The following WDR35 variants were observed in gnomAD, a reference collection of about 807,000 sequenced individuals.
WDR35 encodes WD repeat-containing protein 35.
In WDR35, 118 loss-of-function variants were observed where a neutral mutation model predicts 158.3. That is an observed-to-expected ratio of 0.75 (90% CI 0.64 to 0.87). WDR35 has a LOEUF of 0.87. WDR35 is among the 40% of genes least tolerant of loss of function. WDR35 has a pLI of 0.00. For synonymous variants in WDR35, 448 were observed against 476.1 expected (o/e 0.94, Z 0.77); for missense variants, 1,263 against 1,405.8 (o/e 0.90, Z 1.62).
At position 19,934,124 on chromosome 2, in the gene WDR35, T is replaced by C. The variant is rs868456239; in HGVS notation, c.2548-613A>G. ...TGCACTGGCCATTTTCAGAACATCATTTTTTTTCTTTCAGAATATCTAATT... is the reference window on the plus strand; with the variant it reads ...TGCACTGGCCATTTTCAGAACATCACTTTTTTTCTTTCAGAATATCTAATT... On this transcript the variant is annotated intron_variant, in intron 21 of 26. Coordinates refer to ENST00000281405, the MANE Select transcript of WDR35 (RefSeq NM_020779.4). The surrounding 1 kb of genome is among the most constrained non-coding windows in gnomAD (Gnocchi z 4.6). 9.7e-5 allele frequency among the ~76,000 whole-genome samples: 14 copies of C among 144,218 alleles called. No individual in the cohort carries two copies. Among genetic ancestry groups the C allele is most frequent in the Non-Finnish European group, 4.5e-5 (3 of 66,374 alleles). The allele number at this position is 144,218 out of a possible 152,430, so 94.6% of individuals were successfully genotyped here. A position where few individuals can be genotyped will look rare whatever the true frequency, so the allele number is the denominator to read the frequency against.
At chr2:19,978,933 A>C in intron 4 of WDR35, 54 bp from the exon 5 acceptor site, 1 of 1,606,216 alleles carries the variant, frequency 6.2e-7, no homozygotes, top group Non-Finnish European at 8.5e-7. Context: ...TCTATTAAAT[A>C]GTAGTTAAGA....
rs542447585 is a variant in WDR35, at chr2:19,927,836, A to C, written c.3121+2560T>G. 2.0e-5 allele frequency among the ~76,000 whole-genome samples: 3 copies of C among 152,354 alleles called. No individual in the cohort carries two copies. The East Asian group carries it at 5.8e-4, about 29-fold the overall frequency. On this transcript the variant is annotated intron_variant, in intron 25 of 26. Coordinates refer to ENST00000281405, the MANE Select transcript of WDR35 (RefSeq NM_020779.4). ...CTAGTAATCCATTAAAATGGATAAA[A>C]ACACTTGGAAGCCCTGTAATTTCAA... is the stretch of plus-strand genomic sequence containing the variant.
chr2:19,987,035 T>G (rs1338848840), intron 2 of WDR35, among the ~76,000 whole-genome samples: 1 of 152,196 alleles, frequency 6.6e-6, no homozygotes, highest in Admixed American at 6.5e-5. Flanking sequence ...GTTAAGCAAA[T>G]TATGATATAT....
intron 10 of WDR35, chr2:19,962,302 C>G: frequency 6.2e-7 from 1 of 1,613,094 alleles, no homozygotes; most frequent in Non-Finnish European, 8.5e-7. Flanking sequence ...TACCGTTGCA[C>G]CAAATGTCTC....
chr2:19,956,832 G>C (rs552577250), intron 11 of WDR35, among the ~76,000 whole-genome samples: 2 of 152,090 alleles, frequency 1.3e-5, no homozygotes, highest in South Asian at 4.1e-4. Context: ...TGTTAGCCAG[G>C]ATGGTCTCGA....
chr2:19,967,612 GAAATA>G (rs1278693323), intron 9 of WDR35, among the ~76,000 whole-genome samples: 1 of 151,728 alleles, frequency 6.6e-6, no homozygotes, highest in African/African-American at 2.4e-5. Context: ...ATATAAAAAT[GAAATA>G]AAATATCATG....
rs192171858 is a variant in WDR35, at chr2:19,978,481, G to A, written c.436+270C>T. ...ATATAAAAAGAAATTACATAATGAG[G>A]CAGACATGTTTAAAATAATGCTGAA... On this transcript the variant is annotated intron_variant, in intron 5 of 26. Coordinates refer to ENST00000281405, the MANE Select transcript of WDR35 (RefSeq NM_020779.4). Among the ~76,000 whole-genome samples the A allele has an allele frequency of 2.8e-3, 423 of 152,098 alleles. 2 individuals carry two copies. The highest frequency in any genetic ancestry group is 6.8e-3 in the Middle Eastern group (2 of 294).
chr2:19,944,234 C>G (rs1410619321), intron 16 of WDR35, among the ~76,000 whole-genome samples: 1 of 152,112 alleles, frequency 6.6e-6, no homozygotes, highest in Non-Finnish European at 1.5e-5. Context: ...AGAAATCCAT[C>G]TAGCTCTAAA....
At chr2:19,987,217 A>G (rs1233883424) in intron 2 of WDR35, among the ~76,000 whole-genome samples, 1 of 152,240 alleles carries the variant, frequency 6.6e-6, no homozygotes, top group Non-Finnish European at 1.5e-5. Context: ...CAGGCATGCA[A>G]TATCTATGAT....
intron 19 of WDR35, among the ~76,000 whole-genome samples, chr2:19,936,646 C>T (rs1670706043): frequency 6.6e-6 from 1 of 152,100 alleles, no homozygotes; most frequent in Non-Finnish European, 1.5e-5. Context: ...TATGTCTGCC[C>T]TTATGAATTG....
rs1165721754 is a variant in WDR35, at chr2:19,933,496, A to G, written c.2563T>C (p.Phe855Leu). 6.2e-6 allele frequency: 10 copies of G among 1,613,570 alleles called. No individual in the cohort carries two copies. Among genetic ancestry groups the G allele is most frequent in the Non-Finnish European group, 8.5e-7 (1 of 1,179,892 alleles). ...HKLLPEIAQM[F>L]VRVGMCEQAV... ...TGTTCACACATTCCAACTCTGACAA[A>G]CATTTGTGCTATTTCCTGTACAAAC... Residue 855 changes from phenylalanine to leucine, a missense_variant, in exon 22 of 27, where the codon TTT becomes CTT. Physicochemically the swap from Phe to Leu is conservative, Grantham distance 22. Transcript: ENST00000281405.
chr2:19,955,729 C>T (rs562269409), intron 11 of WDR35, among the ~76,000 whole-genome samples: 34 of 152,184 alleles, frequency 2.2e-4, no homozygotes, highest in African/African-American at 8.0e-4. Flanking sequence ...CTAGGAGGTA[C>T]CATTTATAGA....
At chr2:19,938,152 G>C in intron 18 of WDR35, 113 bp downstream of exon 18, 2 of 1,480,408 alleles carry the variant, frequency 1.4e-6, no homozygotes, top group Non-Finnish European at 1.9e-6. Context: ...AAAAAGAAGA[G>C]CAAGAATGGA....
chr2:19,910,896 T>G lies in WDR35; in HGVS notation c.*2662A>C, dbSNP rs1342713720. 1.3e-5 allele frequency: 2 copies of G among 152,168 alleles called. No individual in the cohort carries two copies. Among genetic ancestry groups the G allele is most frequent in the Non-Finnish European group, 2.9e-5 (2 of 68,040 alleles). 9.4% of individuals were successfully genotyped at this position (152,168 alleles called of 1,614,324 possible). A position where few individuals can be genotyped will look rare whatever the true frequency, so the allele number is the denominator to read the frequency against. Reference sequence around the variant, plus strand: ...ATATAGATACCAAAGAGGCATAAGCTTTTACAAAAGTAAAAAAGATGTGCC... The same window carrying G: ...ATATAGATACCAAAGAGGCATAAGCGTTTACAAAAGTAAAAAAGATGTGCC... On this transcript the variant is annotated 3_prime_UTR_variant, in exon 27 of 27. Transcript: ENST00000281405.
intron 9 of WDR35, 37 bp downstream of exon 9, chr2:19,969,443 A>C: frequency 6.3e-7 from 1 of 1,589,442 alleles, no homozygotes. Context: ...ATTTAGTAAG[A>C]AACACTGTTT....
intron 25 of WDR35, among the ~76,000 whole-genome samples, chr2:19,921,447 T>C (rs1670165540): frequency 6.6e-6 from 1 of 152,204 alleles, no homozygotes; most frequent in Admixed American, 6.5e-5. Context: ...ATCTGATCTT[T>C]GAGAAACCTG....
At chr2:19,975,880 C>T (rs551045291) in intron 5 of WDR35, among the ~76,000 whole-genome samples, 1 of 152,308 alleles carries the variant, frequency 6.6e-6, no homozygotes, top group Admixed American at 6.5e-5. Context: ...CTTCTAAACT[C>T]TGATGCTGGA....
chr2:19,960,898 A>T (rs2103436274), intron 10 of WDR35, among the ~76,000 whole-genome samples: 1 of 152,346 alleles, frequency 6.6e-6, no homozygotes, highest in Admixed American at 6.5e-5. Flanking sequence ...GCTACTTTTC[A>T]TCATTTATAC....
In WDR35 at chr2:19,931,293, T is replaced by C; in HGVS notation, c.2940A>G (p.Gly980=). 2 of 1,613,474 alleles carry C rather than the reference T, an allele frequency of 1.2e-6. No individual in the cohort carries two copies. Among genetic ancestry groups the C allele is most frequent in the Non-Finnish European group, 1.7e-6 (2 of 1,179,704 alleles). Residue 980 remains glycine (G), a synonymous_variant, in exon 24 of 27, where the codon GGA becomes GGG. Transcript: ENST00000281405. Reference sequence around the variant, plus strand: ...CCTCTGAACTTTTTCCTTTAACTTTTCCTCGCTGGGCATTCTTCATCTGTT... The same window carrying C: ...CCTCTGAACTTTTTCCTTTAACTTTCCCTCGCTGGGCATTCTTCATCTGTT... ...YHEQMKNAQR[G]KVKGKSSEAT...
Sources: allele counts gnomAD v4.1 joint callset (sites outside exome capture counted in the v4.1 genomes callset), GRCh38; gene constraint gnomAD v4.1.1; non-coding constraint Gnocchi (gnomAD v3.1); transcripts MANE v1.5; gene names NCBI Gene and HGNC (gene_info 2026-07-23, HGNC 2026-07-21).